RBFOX1: variants seen among roughly 807,000 people sequenced by gnomAD.
RBFOX1 encodes the protein RNA binding fox-1 homolog 1, also known as RNA binding protein fox-1 homolog 1.
RBFOX1 carries 8 observed loss-of-function variants against 57.7 expected under a neutral mutation model. The observed-to-expected ratio is 0.14, with a 90% CI of 0.08 to 0.25. RBFOX1 has a LOEUF of 0.25. Among genes scored for constraint, RBFOX1 ranks in the 10% least tolerant of loss-of-function variants. The probability of loss-of-function intolerance (pLI) is 1.00; values close to 1 mark genes in which losing one functional copy is unlikely to be tolerated. For synonymous variants in RBFOX1, 326 were observed against 222.4 expected (o/e 1.47, Z -4.15); for missense variants, 611 against 548.5 (o/e 1.11, Z -1.14).
chr16:7,572,568 G>A lies in RBFOX1; in HGVS notation c.271-7209G>A, dbSNP rs978194819. 7.2e-5 allele frequency among the ~76,000 whole-genome samples: 11 copies of A among 152,210 alleles called. No homozygotes were observed. The East Asian group carries it at 1.5e-3, about 21-fold the overall frequency. On this transcript the variant is annotated intron_variant, in intron 5 of 15. Coordinates refer to ENST00000550418, the MANE Select transcript of RBFOX1 (RefSeq NM_018723.4). ...TCAAAAATAATAATAGGCTGGGCGC[G>A]GTGGCTCACGCCTGTAATCCCAGCA...
intron 3 of RBFOX1, among the ~76,000 whole-genome samples, chr16:5,649,655 TTGTC>T (rs1479279554): frequency 2.0e-5 from 3 of 152,222 alleles, no homozygotes; most frequent in African/African-American, 7.2e-5. Context: ...TTTATCTTCT[TTGTC>T]TGTTTTTTGG....
intron 3 of RBFOX1, among the ~76,000 whole-genome samples, chr16:6,709,125 G>A (rs1568305887): frequency 6.6e-6 from 1 of 152,062 alleles, no homozygotes. Flanking sequence ...AAATGTAACA[G>A]AAAGTATCTT....
At chr16:6,779,621 CG>C (rs1567206846) in intron 3 of RBFOX1, among the ~76,000 whole-genome samples, 1 of 146,418 alleles carries the variant, frequency 6.8e-6, no homozygotes, top group African/African-American at 2.5e-5. Context: ...TACTAACTTA[CG>C]TTCCCACCAA....
intron 2 of RBFOX1, among the ~76,000 whole-genome samples, chr16:6,389,314 A>G (rs990942798): frequency 1.1e-4 from 16 of 152,180 alleles, no homozygotes; most frequent in African/African-American, 3.9e-4. Flanking sequence ...TGGTGCAGGC[A>G]TTGTCAAGAT....
intron 1 of RBFOX1, among the ~76,000 whole-genome samples, chr16:5,283,114 CT>C (rs1201142100): frequency 8.5e-5 from 13 of 152,230 alleles, no homozygotes; most frequent in Admixed American, 2.6e-4. Context: ...AGCCCCAAGC[CT>C]TAGCAGCTTT....
rs543545715 is a variant in RBFOX1, at chr16:7,366,416, C to A, written c.28-151731C>A. 2.0e-5 allele frequency among the ~76,000 whole-genome samples: 3 copies of A among 152,200 alleles called. No homozygotes were observed. The South Asian group carries it at 6.2e-4, about 32-fold the overall frequency. ...TGCGCCCTGACATTTATGGCTGAGC[C>A]GAGTTTGGCCTTGAAAAAAATCATC... On this transcript the variant is annotated intron_variant, in intron 4 of 15. Transcript: ENST00000550418.
Position 7,444,267 on chromosome 16 carries a change from C to A in RBFOX1, c.28-73880C>A, listed in dbSNP as rs542096074. On this transcript the variant is annotated intron_variant, in intron 4 of 15. Transcript: ENST00000550418. ...TCTAACCTGTTTCCTAATGGGTCAT[C>A]CAGAAAACGTGGGTGTGGTCTGGCT... Among the ~76,000 whole-genome samples the A allele has an allele frequency of 3.3e-5, 5 of 152,272 alleles. No homozygotes were observed. The South Asian group carries it at 8.3e-4, about 25-fold the overall frequency.
At chr16:5,899,700 G>T (rs1367460482) in intron 4 of RBFOX1, among the ~76,000 whole-genome samples, 1 of 152,196 alleles carries the variant, frequency 6.6e-6, no homozygotes, top group Non-Finnish European at 1.5e-5. Context: ...AAACATGGCT[G>T]CTGGGGGCCA....
chr16:6,886,308 C>T (rs1215836686), intron 3 of RBFOX1, among the ~76,000 whole-genome samples: 1 of 151,738 alleles, frequency 6.6e-6, no homozygotes, highest in East Asian at 2.0e-4. Flanking sequence ...GTGATCTGCC[C>T]ACCTCGACCT....
chr16:6,837,438 A>G (rs1430270133), intron 3 of RBFOX1, among the ~76,000 whole-genome samples: 1 of 152,224 alleles, frequency 6.6e-6, no homozygotes, highest in Non-Finnish European at 1.5e-5. Context: ...GCCTCACCCA[A>G]CAGCAAGAGT....
In RBFOX1 at chr16:6,654,470, G is replaced by A. The variant is rs145382576; in HGVS notation, c.-63-133G>A. 978 of 681,542 alleles carry A rather than the reference G, an allele frequency of 1.4e-3. 13 individuals are homozygous for A. In the African/African-American group the frequency reaches 0.015, roughly 11 times the overall value. The allele number at this position is 681,542 out of a possible 1,614,324, so 42.2% of individuals were successfully genotyped here. A position where few individuals can be genotyped will look rare whatever the true frequency, so the allele number is the denominator to read the frequency against. ...AAAGCACTATAAAGAGCAATGACTC[G>A]AGAAAGAACTATTAGGAGCATGAGC... On this transcript the variant is annotated intron_variant, in intron 2 of 15. Coordinates refer to ENST00000550418, the MANE Select transcript of RBFOX1 (RefSeq NM_018723.4).
chr16:7,056,396 G>A (rs2052277650), intron 4 of RBFOX1, among the ~76,000 whole-genome samples: 1 of 152,128 alleles, frequency 6.6e-6, no homozygotes, highest in African/African-American at 2.4e-5. Context: ...TGGGGACATG[G>A]TCAGAGGAGC....
intron 11 of RBFOX1, among the ~76,000 whole-genome samples, chr16:7,638,295 C>A (rs112529048): frequency 6.6e-6 from 1 of 152,170 alleles, no homozygotes; most frequent in Non-Finnish European, 1.5e-5. Flanking sequence ...ATTAATTATG[C>A]TACCTTTTCT....
intron 2 of RBFOX1, among the ~76,000 whole-genome samples, chr16:5,568,436 T>C (rs2046149643): frequency 6.6e-6 from 1 of 152,208 alleles, no homozygotes; most frequent in South Asian, 2.1e-4. Flanking sequence ...TCAAAGCCCC[T>C]TCTCTTTCCC....
intron 1 of RBFOX1, among the ~76,000 whole-genome samples, chr16:6,214,786 G>A (rs2097323357): frequency 1.1e-5 from 1 of 94,100 alleles, no homozygotes; most frequent in Non-Finnish European, 2.2e-5. Flanking sequence ...AGAGGGAGAA[G>A]GGGAGGGAGA....
chr16:6,256,566 A>T (rs964194171), intron 1 of RBFOX1, among the ~76,000 whole-genome samples: 1 of 151,902 alleles, frequency 6.6e-6, no homozygotes, highest in Non-Finnish European at 1.5e-5. Flanking sequence ...AATTTTGAAA[A>T]GCGATTAAAC....
At chr16:7,128,843 A>G (rs772022555) in intron 4 of RBFOX1, among the ~76,000 whole-genome samples, 1 of 134,204 alleles carries the variant, frequency 7.5e-6, no homozygotes, top group African/African-American at 2.8e-5. Flanking sequence ...TTTTTTTAAG[A>G]CGGAGTCTCA....
chr16:6,250,974 T>C (rs2097605709), intron 1 of RBFOX1, among the ~76,000 whole-genome samples: 2 of 152,084 alleles, frequency 1.3e-5, no homozygotes, highest in Admixed American at 1.3e-4. Context: ...TTTGATGTCC[T>C]TATGGCGTTT....
At chr16:5,659,461 G>A (rs1333327230) in intron 3 of RBFOX1, among the ~76,000 whole-genome samples, 3 of 151,922 alleles carry the variant, frequency 2.0e-5, no homozygotes, top group African/African-American at 7.3e-5. Flanking sequence ...CCGCCACCAT[G>A]CCCAGCTAAT....
Sources: allele counts gnomAD v4.1 joint callset (sites outside exome capture counted in the v4.1 genomes callset), GRCh38; gene constraint gnomAD v4.1.1; transcripts MANE v1.5; gene names NCBI Gene and HGNC (gene_info 2026-07-23, HGNC 2026-07-21).